The following ZPLD1 variants were observed in gnomAD, a reference collection of about 807,000 sequenced individuals.
ZPLD1 encodes zona pellucida-like domain-containing protein 1.
In ZPLD1, 34 loss-of-function variants were observed where a neutral mutation model predicts 47.2. That is an observed-to-expected ratio of 0.72 (90% CI 0.55 to 0.96). The LOEUF is 0.96. Among genes scored for constraint, ZPLD1 ranks in the 40% least tolerant of loss-of-function variants. The probability of loss-of-function intolerance (pLI) is 0.00; values close to 1 mark genes in which losing one functional copy is unlikely to be tolerated. For missense variants in ZPLD1, 512 were observed against 505.8 expected, an observed-to-expected ratio of 1.01 and a Z score of -0.12; for synonymous variants, 176 against 186.2, an observed-to-expected ratio of 0.95 and a Z score of 0.45.
chr3:102,422,784 T>C (rs1349101697), intron 8 of ZPLD1, among the ~76,000 whole-genome samples: 1 of 151,900 alleles, frequency 6.6e-6, no homozygotes, highest in Non-Finnish European at 1.5e-5. Flanking sequence ...GCATAGGGAA[T>C]AGAAACATGT....
intron 6 of ZPLD1, among the ~76,000 whole-genome samples, chr3:102,385,865 TAAAAC>T (rs1706419028): frequency 6.6e-6 from 1 of 152,192 alleles, no homozygotes; most frequent in Non-Finnish European, 1.5e-5. Flanking sequence ...AGCATACACT[TAAAAC>T]AGGGCAATAG....
At chr3:102,442,303 A>G (rs573833304) in intron 3 of ZPLD1, among the ~76,000 whole-genome samples, 74 of 138,462 alleles carry the variant, frequency 5.3e-4, no homozygotes, top group African/African-American at 2.0e-3. Context: ...TATATTCATA[A>G]ACACATACAC....
intron 6 of ZPLD1, among the ~76,000 whole-genome samples, chr3:102,389,608 C>T (rs896509898): frequency 6.6e-6 from 1 of 151,894 alleles, no homozygotes; most frequent in African/African-American, 2.4e-5. Context: ...TCATTTGGAC[C>T]CTAGATATAA....
chr3:102,412,923 G>T (rs185791796), intron 7 of ZPLD1, among the ~76,000 whole-genome samples: 2 of 151,628 alleles, frequency 1.3e-5, no homozygotes, highest in Non-Finnish European at 2.9e-5. Flanking sequence ...CATTGAGGGC[G>T]TATTGGATTA....
In ZPLD1 at chr3:102,456,192, G is replaced by GCA. The variant is rs1707409946; in HGVS notation, c.328-1_328insCA (p.Val110GlnfsTer19). ...TTAAACTGCATCTAACATTCTAACA[G>GCA]GTATCCACAATTCCTGGAGTCAGTG... On this transcript the variant is annotated frameshift_variant and splice_region_variant. Coordinates refer to ENST00000466937, the MANE Select transcript of ZPLD1 (RefSeq NM_001329788.2). LOFTEE classifies it high-confidence loss of function. 7 of 1,611,162 alleles carry GCA rather than the reference G, an allele frequency of 4.3e-6. No individual in the cohort carries two copies. The Admixed American group carries it at 1.0e-4, about 23-fold the overall frequency.
chr3:102,404,916 G>A (rs1706663958), intron 7 of ZPLD1, among the ~76,000 whole-genome samples: 2 of 151,930 alleles, frequency 1.3e-5, no homozygotes, highest in African/African-American at 2.4e-5. Context: ...TATCAAAGCT[G>A]TAATATTCTC....
intron 6 of ZPLD1, among the ~76,000 whole-genome samples, chr3:102,389,472 A>C (rs1706471995): frequency 6.6e-6 from 1 of 152,234 alleles, no homozygotes; most frequent in African/African-American, 2.4e-5. Flanking sequence ...ACCTCAAGGC[A>C]TACCAAAAAT....
intron 8 of ZPLD1, among the ~76,000 whole-genome samples, chr3:102,419,862 G>A (rs1043082489): frequency 2.7e-5 from 4 of 149,010 alleles, no homozygotes; most frequent in African/African-American, 9.9e-5. Flanking sequence ...TTGCTTGCAA[G>A]GAACTCATTT....
At chr3:102,398,553 A>G (rs1187257651) in intron 7 of ZPLD1, among the ~76,000 whole-genome samples, 3 of 152,078 alleles carry the variant, frequency 2.0e-5, no homozygotes, top group Non-Finnish European at 2.9e-5. Flanking sequence ...ACATCTTCCT[A>G]AAACACTGTT....
chr3:102,439,596 C>T (rs1466347703), intron 3 of ZPLD1, among the ~76,000 whole-genome samples: 1 of 152,122 alleles, frequency 6.6e-6, no homozygotes, highest in Non-Finnish European at 1.5e-5. Context: ...TTATGGAAAA[C>T]TTCAAACATA....
At chr3:102,399,373 C>T (rs1230077427) in intron 7 of ZPLD1, among the ~76,000 whole-genome samples, 1 of 152,080 alleles carries the variant, frequency 6.6e-6, no homozygotes, top group Non-Finnish European at 1.5e-5. Context: ...CCTTATCCAC[C>T]TCACTTCAGT....
intron 3 of ZPLD1, among the ~76,000 whole-genome samples, chr3:102,452,483 A>G (rs1331679740): frequency 6.6e-6 from 1 of 152,136 alleles, no homozygotes; most frequent in East Asian, 1.9e-4. Context: ...TTTAGGGTGG[A>G]TTTCAACTGC....
intron 7 of ZPLD1, among the ~76,000 whole-genome samples, chr3:102,412,956 T>C (rs1706762515): frequency 6.6e-6 from 1 of 151,804 alleles, no homozygotes; most frequent in Non-Finnish European, 1.5e-5. Flanking sequence ...CTATCATTAT[T>C]CAAATGATTT....
intron 7 of ZPLD1, among the ~76,000 whole-genome samples, chr3:102,402,212 T>G (rs987552919): frequency 1.3e-5 from 2 of 152,062 alleles, no homozygotes; most frequent in Non-Finnish European, 2.9e-5. Flanking sequence ...AGTATTTTAC[T>G]GCTCTTTTTT....
intron 3 of ZPLD1, among the ~76,000 whole-genome samples, chr3:102,451,599 C>T (rs1707337487): frequency 6.6e-6 from 1 of 152,182 alleles, no homozygotes; most frequent in Admixed American, 6.5e-5. Context: ...TGATTTAAAA[C>T]ACAGAAATTC....
chr3:102,426,239 C>T (rs150103289), intron 8 of ZPLD1, among the ~76,000 whole-genome samples: 3,088 of 152,010 alleles, frequency 0.02, 47 homozygotes, highest in Non-Finnish European at 0.024. Context: ...AGAATTGGGC[C>T]GGGTGCGGTG....
chr3:102,419,669 C>T (rs1287992720), intron 8 of ZPLD1, among the ~76,000 whole-genome samples: 5 of 150,452 alleles, frequency 3.3e-5, no homozygotes, highest in Admixed American at 1.3e-4. Context: ...TCTTTCTAAA[C>T]GTAACTTTTG....
At chr3:102,407,707 C>G (rs1035574724) in intron 7 of ZPLD1, among the ~76,000 whole-genome samples, 2 of 151,482 alleles carry the variant, frequency 1.3e-5, no homozygotes, top group Non-Finnish European at 3.0e-5. Flanking sequence ...CACAGATACC[C>G]AGTACCATCA....
Position 102,400,784 on chromosome 3 carries a change from T to TA in ZPLD1, c.-157+8567dup, listed in dbSNP as rs577042661. On this transcript the variant is annotated intron_variant, in intron 7 of 17. Coordinates refer to the ZPLD1 transcript ENST00000491959. The stretch of plus-strand genomic sequence containing the variant: ...CCTGATGCAGCAACCCATACACTAA[T>TA]AAAAAAAATACAAAGAGGAAGAATG... Among the ~76,000 whole-genome samples the TA allele has an allele frequency of 2.6e-5, 4 of 151,778 alleles. No individual in the cohort carries two copies. In the East Asian group the frequency reaches 5.8e-4, roughly 22 times the overall value.
Sources: gnomAD v4.1 joint callset for allele counts (sites outside exome capture counted in the v4.1 genomes callset) on GRCh38, gnomAD v4.1.1 for gene constraint, MANE v1.5 for transcripts, NCBI Gene and HGNC (gene_info 2026-07-23, HGNC 2026-07-21) for gene names.